The following TRANK1 variants were observed in gnomAD, a reference collection of about 807,000 sequenced individuals.
The protein encoded by TRANK1 is TPR and ankyrin repeat-containing protein 1.
A neutral mutation model predicts 266.0 loss-of-function variants in TRANK1; 198 were observed. The ratio of observed to expected loss-of-function variants is 0.74; its 90% CI spans 0.66 to 0.84. TRANK1 has a LOEUF of 0.84. Among genes scored for constraint, TRANK1 ranks in the 40% least tolerant of loss-of-function variants. TRANK1 has a pLI of 0.00. For missense variants in TRANK1, 3,326 were observed against 3,634.6 expected, an observed-to-expected ratio of 0.92 and a Z score of 2.18; for synonymous variants, 1,396 against 1,384.1, an observed-to-expected ratio of 1.01 and a Z score of -0.19.
In TRANK1 at chr3:36,831,864, A is replaced by G; in HGVS notation, c.7719T>C (p.Ala2573=). The G allele has an allele frequency of 1.2e-6, 2 of 1,614,030 alleles. No homozygotes were observed. The highest frequency in any genetic ancestry group is 1.7e-6 in the Non-Finnish European group (2 of 1,179,902). ...LVLCLVMLVN[A]EEILQPYCKP... ...TGCAGTATGGCTGCAGGATCTCCTC[A>G]GCATTCACTAGCATCACCAAGCACA... Residue 2573 remains alanine (A), a synonymous_variant, in exon 22 of 24, where the codon GCT becomes GCC. Coordinates refer to ENST00000645898, the MANE Select transcript of TRANK1 (RefSeq NM_001329998.2). This position sits in a 1 kb window ranked among gnomAD's most constrained non-coding sequence, Gnocchi z 5.0.
intron 1 of TRANK1, among the ~76,000 whole-genome samples, chr3:36,944,345 C>T (rs2080540449): frequency 6.6e-6 from 1 of 152,208 alleles, no homozygotes; most frequent in African/African-American, 2.4e-5. Context: ...CCGCCCTTCC[C>T]GCCTGGCACG....
chr3:36,940,837 G>C (rs767737866), intron 1 of TRANK1, among the ~76,000 whole-genome samples: 47 of 152,148 alleles, frequency 3.1e-4, no homozygotes, highest in Admixed American at 2.4e-3. Context: ...AAGCAAGAAG[G>C]GGTGAGAAAA....
At chr3:36,943,348 T>C (rs534634686) in intron 1 of TRANK1, among the ~76,000 whole-genome samples, 32 of 152,222 alleles carry the variant, frequency 2.1e-4, no homozygotes, top group African/African-American at 6.5e-4. Context: ...TATGCATATA[T>C]ACATTATATA....
Position 36,932,478 on chromosome 3 carries a change from G to T in TRANK1, c.23+12309C>A, listed in dbSNP as rs141723508. On this transcript the variant is annotated intron_variant, in intron 1 of 23. Transcript: ENST00000645898. ...CTCGGGAGCCTAAGGCAGGAGAATC[G>T]CTTGAACCTGGGAGGTGGAGGTCGC... 2.6e-3 allele frequency among the ~76,000 whole-genome samples: 396 copies of T among 152,238 alleles called. 14 individuals carry two copies. In the East Asian group the frequency reaches 0.065, roughly 25 times the overall value.
rs950089196 is a variant in TRANK1, at chr3:36,939,374, T to C, written c.23+5413A>G. ...TTAGCCACATGACCACAAATTCATG[T>C]GGCTCCCTCCCATTCACATGACTTT... On this transcript the variant is annotated intron_variant, in intron 1 of 23. Transcript: ENST00000645898. 1.1e-4 allele frequency among the ~76,000 whole-genome samples: 16 copies of C among 152,146 alleles called. 1 individual carries two copies. The highest frequency in any genetic ancestry group is 2.1e-4 in the Non-Finnish European group (14 of 68,038).
At position 36,889,890 on chromosome 3, in the gene TRANK1, ATC is replaced by A. The variant is rs2079663131; in HGVS notation, c.844_845del (p.Asp282TrpfsTer20). ...CGTGCAGGACAGTGCAGCCATCCCC[ATC>A]CTTCTGGTTAATGCGGCCTTTCCAC... Reference protein sequence around the residue: ...PEWKGRINQKDGDGCTVLHVV... With the variant: ...PEWKGRINQKXGDGCTVLHVV... On this transcript the variant is annotated frameshift_variant, in exon 8 of 24. Transcript: ENST00000645898. LOFTEE classifies it high-confidence loss of function. 1 of 1,537,108 alleles carries A rather than the reference ATC, an allele frequency of 6.5e-7. No homozygotes were observed. The highest frequency in any genetic ancestry group is 2.0e-5 in the Admixed American group (1 of 50,972).
At chr3:36,881,956 T>C (rs1381134986) in intron 8 of TRANK1, among the ~76,000 whole-genome samples, 1 of 152,252 alleles carries the variant, frequency 6.6e-6, no homozygotes, top group Non-Finnish European at 1.5e-5. Context: ...TTCCCTTGTA[T>C]GGATATGGCA....
intron 15 of TRANK1, among the ~76,000 whole-genome samples, chr3:36,848,130 T>C (rs9985296): frequency 0.62 from 94,707 of 152,078 alleles, 29,760 homozygotes; most frequent in Admixed American, 0.67. Context: ...AACTACTCAA[T>C]TCTGTCATTT....
chr3:36,918,503 GAAAGAAAGAAAGAAAGAAA>G (rs1162091058), intron 1 of TRANK1, among the ~76,000 whole-genome samples: 33 of 39,338 alleles, frequency 8.4e-4, no homozygotes, highest in African/African-American at 1.8e-3. Context: ...AAGAAAGAAA[GAAAGAAAGAAAGAAAGAAA>G]GAAAGAAAGA....
At chr3:36,889,452 C>T (rs932365174) in intron 8 of TRANK1, among the ~76,000 whole-genome samples, 2 of 152,178 alleles carry the variant, frequency 1.3e-5, no homozygotes, top group African/African-American at 4.8e-5. Context: ...GAAGGCAGAA[C>T]CATGTGCAGT....
chr3:36,929,883 ATTGTTGTTGTTG>A (rs201004320), intron 1 of TRANK1, among the ~76,000 whole-genome samples: 4 of 149,058 alleles, frequency 2.7e-5, no homozygotes, highest in East Asian at 2.0e-4. Context: ...GATGCAGCAG[ATTGTTGTTGTTG>A]TTGTTGTTGT....
intron 20 of TRANK1, among the ~76,000 whole-genome samples, chr3:36,836,866 A>G (rs2078777028): frequency 6.6e-6 from 1 of 152,220 alleles, no homozygotes; most frequent in Admixed American, 6.5e-5. Context: ...TTTCTGCTTC[A>G]GCTCTTGCTG....
chr3:36,921,557 G>A (rs2080213566), intron 1 of TRANK1, among the ~76,000 whole-genome samples: 1 of 152,240 alleles, frequency 6.6e-6, no homozygotes, highest in African/African-American at 2.4e-5. Flanking sequence ...CAAGATTGAA[G>A]GTTGCTATAA....
chr3:36,913,813 A>AC (rs1437944128), intron 1 of TRANK1, among the ~76,000 whole-genome samples: 9 of 149,036 alleles, frequency 6.0e-5, no homozygotes, highest in African/African-American at 1.7e-4. Context: ...CCTTGCCACC[A>AC]CCCCCCTCAG....
Position 36,831,003 on chromosome 3 carries a change from C to T in TRANK1, c.8580G>A (p.Glu2860=), listed in dbSNP as rs377364507. ...CGTGACTGTGGATCCATACACTTTGCTCGATGTCCTGCACCACCAGCTTGC... is the reference window on the plus strand; with the variant it reads ...CGTGACTGTGGATCCATACACTTTGTTCGATGTCCTGCACCACCAGCTTGC... ...DEGKLVVQDI[E]QSVWIHSHVG... The change falls in exon 22 of 24, where the codon GAG becomes GAA. Residue 2860 remains glutamate (E), a synonymous_variant. Transcript: ENST00000645898. This position sits in a 1 kb window ranked among gnomAD's most constrained non-coding sequence, Gnocchi z 5.0. The T allele has an allele frequency of 2.6e-4, 413 of 1,613,920 alleles. No individual in the cohort carries two copies. Among genetic ancestry groups the T allele is most frequent in the Non-Finnish European group, 3.1e-4 (370 of 1,179,910 alleles).
intron 8 of TRANK1, among the ~76,000 whole-genome samples, chr3:36,879,599 A>AATATATAAAT (rs1559447996): frequency 1.1e-4 from 7 of 64,758 alleles, no homozygotes; most frequent in African/African-American, 6.0e-4. Context: ...CAAATATATA[A>AATATATAAAT]ATATATATAA....
chr3:36,834,666 T>A lies in TRANK1; in HGVS notation c.5663+96A>T, dbSNP rs1316917634. On this transcript the variant is annotated intron_variant, in intron 21 of 23. Transcript: ENST00000645898. ...GAAAGGGAGCAATGTGGTCAAACCA[T>A]GTCAGAAGCAGCAGGATAGCACCAC... 137 of 1,420,050 alleles carry A rather than the reference T, an allele frequency of 9.6e-5. 1 individual carries two copies. The highest frequency in any genetic ancestry group is 1.2e-4 in the Non-Finnish European group (130 of 1,058,848). 88.0% of individuals were successfully genotyped at this position (1,420,050 alleles called of 1,614,324 possible).
At chr3:36,884,984 T>A (rs887648130) in intron 8 of TRANK1, among the ~76,000 whole-genome samples, 3 of 148,228 alleles carry the variant, frequency 2.0e-5, no homozygotes, top group African/African-American at 5.0e-5. Flanking sequence ...GGAAGAAAAA[T>A]TTTAAATTAA....
At chr3:36,858,121 A>C (rs2079085415) in intron 12 of TRANK1, 72 bp from the exon 13 acceptor site, 1 of 1,282,044 alleles carries the variant, frequency 7.8e-7, no homozygotes, top group Non-Finnish European at 1.0e-6. Flanking sequence ...CTGGGGTTTG[A>C]GAGTGATGCC....
Sources: gnomAD v4.1 joint callset for allele counts (sites outside exome capture counted in the v4.1 genomes callset) on GRCh38, gnomAD v4.1.1 for gene constraint, Gnocchi (gnomAD v3.1) non-coding constraint, MANE v1.5 for transcripts, NCBI Gene and HGNC (gene_info 2026-07-23, HGNC 2026-07-21) for gene names.